The following NOS1AP variants were observed in gnomAD, a reference collection of about 807,000 sequenced individuals.
The protein encoded by NOS1AP is carboxyl-terminal PDZ ligand of neuronal nitric oxide synthase protein.
In NOS1AP, 21 loss-of-function variants were observed where a neutral mutation model predicts 56.2. The observed-to-expected ratio is 0.37, with a 90% CI of 0.26 to 0.54. NOS1AP has a LOEUF of 0.54. NOS1AP is among the 20% of genes least tolerant of loss of function. NOS1AP has a pLI of 0.84. For synonymous variants in NOS1AP, 270 were observed against 274.6 expected (o/e 0.98, Z 0.17); for missense variants, 522 against 657.8 (o/e 0.79, Z 2.26).
At chr1:162,304,837 A>G (rs902591926) in intron 4 of NOS1AP, among the ~76,000 whole-genome samples, 1 of 151,372 alleles carries the variant, frequency 6.6e-6, no homozygotes, top group Non-Finnish European at 1.5e-5. Context: ...TAAAATATAT[A>G]TGGTCCATTT....
In NOS1AP at chr1:162,069,735, C is replaced by CA. The variant is rs1303738404; in HGVS notation, c.-442dup. On this transcript the variant is annotated 5_prime_UTR_variant, in exon 1 of 10. Coordinates refer to ENST00000361897, the MANE Select transcript of NOS1AP (RefSeq NM_014697.3). The stretch of plus-strand genomic sequence containing the variant: ...GGCGGCTGATCCAGCGTCTCCGTGA[C>CA]AGGCACCCTGCTCCGCCGCCACCGC... 6.5e-6 allele frequency: 1 copy of CA among 154,242 alleles called. No homozygotes were observed. Among genetic ancestry groups the CA allele is most frequent in the African/African-American group, 2.4e-5 (1 of 41,424 alleles). 9.6% of individuals were successfully genotyped at this position (154,242 alleles called of 1,614,324 possible).
intron 4 of NOS1AP, among the ~76,000 whole-genome samples, chr1:162,313,974 TG>T (rs774363526): frequency 2.6e-5 from 4 of 152,232 alleles, no homozygotes; most frequent in Non-Finnish European, 4.4e-5. Context: ...CATGTTTTAC[TG>T]TTGCATCCCA....
chr1:162,263,513 G>C (rs1250139676), intron 2 of NOS1AP, among the ~76,000 whole-genome samples: 1 of 152,160 alleles, frequency 6.6e-6, no homozygotes, highest in African/African-American at 2.4e-5. Flanking sequence ...GAGACACATT[G>C]CAATCATAGC....
chr1:162,285,216 T>C (rs1329937484), intron 2 of NOS1AP, among the ~76,000 whole-genome samples: 1 of 152,208 alleles, frequency 6.6e-6, no homozygotes, highest in African/African-American at 2.4e-5. Context: ...CTGTACTCCT[T>C]TGGCCGGCAG....
rs541992022 is a variant in NOS1AP, at chr1:162,366,525, C to T, written c.1106-527C>T. 3.8e-4 allele frequency among the ~76,000 whole-genome samples: 58 copies of T among 152,242 alleles called. 1 individual carries two copies. The highest frequency in any genetic ancestry group is 1.5e-4 in the Non-Finnish European group (10 of 68,030). ...CATCCCATGAGCTCTTTTAAAAATG[C>T]GTCTTTCCTACTGAGATCCTACATC... On this transcript the variant is annotated intron_variant, in intron 9 of 9. Transcript: ENST00000361897.
chr1:162,173,991 A>G (rs559294732), intron 2 of NOS1AP, among the ~76,000 whole-genome samples: 9 of 152,208 alleles, frequency 5.9e-5, no homozygotes, highest in South Asian at 2.1e-4. Flanking sequence ...CATTGTGGAA[A>G]TCAGTGTGGT....
chr1:162,087,873 C>G, intron 1 of NOS1AP, among the ~76,000 whole-genome samples: 1 of 152,046 alleles, frequency 6.6e-6, no homozygotes, highest in Non-Finnish European at 1.5e-5. Context: ...TCTGTCTTCC[C>G]TTAGTTGTTC....
chr1:162,128,020 A>G (rs1239536076), intron 1 of NOS1AP, among the ~76,000 whole-genome samples: 1 of 152,124 alleles, frequency 6.6e-6, no homozygotes, highest in African/African-American at 2.4e-5. Flanking sequence ...GTATGCTTTT[A>G]TATAATTACA....
chr1:162,348,753 G>A (rs888255062), intron 6 of NOS1AP, among the ~76,000 whole-genome samples: 1 of 152,158 alleles, frequency 6.6e-6, no homozygotes, highest in Non-Finnish European at 1.5e-5. Flanking sequence ...TCCCCTGCTC[G>A]TGTAGGTGAG....
chr1:162,143,811 A>T (rs970500904), intron 1 of NOS1AP, among the ~76,000 whole-genome samples: 2 of 152,188 alleles, frequency 1.3e-5, no homozygotes, highest in African/African-American at 4.8e-5. Flanking sequence ...TAGTACAGAT[A>T]CTAGGTACAT....
At chr1:162,164,880 C>A (rs1283529177) in intron 2 of NOS1AP, among the ~76,000 whole-genome samples, 1 of 152,166 alleles carries the variant, frequency 6.6e-6, no homozygotes, top group Non-Finnish European at 1.5e-5. Context: ...TCTTTGATTC[C>A]TGCTGAAAGG....
intron 6 of NOS1AP, among the ~76,000 whole-genome samples, chr1:162,352,342 A>G (rs1209645097): frequency 6.6e-6 from 1 of 151,134 alleles, no homozygotes; most frequent in Admixed American, 6.6e-5. Context: ...TATAGGCGTG[A>G]GCCACCGCGC....
At chr1:162,151,656 C>T (rs1649710866) in intron 1 of NOS1AP, among the ~76,000 whole-genome samples, 1 of 152,140 alleles carries the variant, frequency 6.6e-6, no homozygotes, top group Non-Finnish European at 1.5e-5. Flanking sequence ...TTTGTGTCCT[C>T]TTCAATTTCT....
chr1:162,092,857 G>A (rs1272936602), intron 1 of NOS1AP, among the ~76,000 whole-genome samples: 1 of 152,106 alleles, frequency 6.6e-6, no homozygotes, highest in African/African-American at 2.4e-5. Flanking sequence ...TTCTTCTTTA[G>A]TACCATAAAT....
In NOS1AP at chr1:162,170,812, G is replaced by A. The variant is rs541457131; in HGVS notation, c.177+16336G>A. 6.6e-5 allele frequency among the ~76,000 whole-genome samples: 10 copies of A among 152,220 alleles called. No homozygotes were observed. The East Asian group carries it at 1.4e-3, about 21-fold the overall frequency. ...AAAAATTAGCCGGATATGGTGGTGT[G>A]CACCTGTAGTCCCACACTCAAGAGG... On this transcript the variant is annotated intron_variant, in intron 2 of 9. Transcript: ENST00000361897.
At chr1:162,176,519 T>C (rs1344519685) in intron 2 of NOS1AP, among the ~76,000 whole-genome samples, 1 of 144,424 alleles carries the variant, frequency 6.9e-6, no homozygotes, top group Non-Finnish European at 1.5e-5. Flanking sequence ...TTTTTTTTTT[T>C]TTTTTTTTGA....
intron 1 of NOS1AP, among the ~76,000 whole-genome samples, chr1:162,135,753 G>A (rs1255304976): frequency 6.6e-6 from 1 of 152,162 alleles, no homozygotes; most frequent in Non-Finnish European, 1.5e-5. Context: ...ACTTACTTTT[G>A]GGAACATTAA....
At chr1:162,092,485 T>A (rs1692157466) in intron 1 of NOS1AP, among the ~76,000 whole-genome samples, 1 of 152,248 alleles carries the variant, frequency 6.6e-6, no homozygotes, top group Admixed American at 6.5e-5. Context: ...AGTGTTTCTC[T>A]GAAGGCTCCA....
intron 1 of NOS1AP, among the ~76,000 whole-genome samples, chr1:162,099,635 A>G (rs1009929137): frequency 7.3e-5 from 2 of 27,444 alleles, no homozygotes; most frequent in Non-Finnish European, 2.0e-4. Flanking sequence ...TCTTTTTTTT[A>G]AATTTTATTA....
Sources: gnomAD v4.1 joint callset for allele counts (sites outside exome capture counted in the v4.1 genomes callset) on GRCh38, gnomAD v4.1.1 for gene constraint, MANE v1.5 for transcripts, NCBI Gene and HGNC (gene_info 2026-07-23, HGNC 2026-07-21) for gene names.